The following ZFPM2 variants were observed in gnomAD, a reference collection of about 807,000 sequenced individuals.
The protein encoded by ZFPM2 is zinc finger protein, FOG family member 2, also known as zinc finger protein ZFPM2.
Under a neutral mutation model 98.6 loss-of-function variants are expected in ZFPM2, and 20 were observed. That is an observed-to-expected ratio of 0.20 (90% CI 0.14 to 0.29). The LOEUF is 0.29. ZFPM2 is among the 10% of genes least tolerant of loss of function. The pLI, the probability that ZFPM2 is intolerant of heterozygous loss-of-function variation, is 1.00. For synonymous variants in ZFPM2, 518 were observed against 502.7 expected (o/e 1.03, Z -0.41); for missense variants, 1,310 against 1,388.6 (o/e 0.94, Z 0.90).
chr8:105,401,796 T>A (rs1383107546), intron 1 of ZFPM2, among the ~76,000 whole-genome samples: 2 of 152,286 alleles, frequency 1.3e-5, no homozygotes, highest in African/African-American at 2.4e-5. Flanking sequence ...ATTTTAAAAT[T>A]ATATTTAATT....
chr8:105,553,637 G>T (rs183836529), intron 3 of ZFPM2, among the ~76,000 whole-genome samples: 69 of 152,238 alleles, frequency 4.5e-4, no homozygotes, highest in African/African-American at 1.7e-3. Flanking sequence ...CTGTCACCCA[G>T]TACCTCCTCA....
At chr8:105,641,185 A>G (rs1199115251) in intron 5 of ZFPM2, among the ~76,000 whole-genome samples, 1 of 152,028 alleles carries the variant, frequency 6.6e-6, no homozygotes, top group Non-Finnish European at 1.5e-5. Flanking sequence ...ATTGCGCCCT[A>G]AAGGAGTCCA....
chr8:105,696,849 A>G (rs1811029751), intron 5 of ZFPM2, among the ~76,000 whole-genome samples: 1 of 152,140 alleles, frequency 6.6e-6, no homozygotes. Context: ...TTGTTATTCT[A>G]CTTAGTGATC....
At chr8:105,509,994 G>A (rs1231060652) in intron 3 of ZFPM2, among the ~76,000 whole-genome samples, 3 of 151,450 alleles carry the variant, frequency 2.0e-5, no homozygotes, top group Non-Finnish European at 4.4e-5. Context: ...CTTGTATGTC[G>A]TGGTCATCTA....
intron 4 of ZFPM2, among the ~76,000 whole-genome samples, chr8:105,592,115 T>C (rs1815859337): frequency 6.6e-6 from 1 of 152,078 alleles, no homozygotes; most frequent in Admixed American, 6.6e-5. Flanking sequence ...ACAGGAAACA[T>C]GCAGCAAGAC....
chr8:105,720,395 A>G lies in ZFPM2; in HGVS notation c.533-68323A>G, dbSNP rs530974843. The stretch of plus-strand genomic sequence containing the variant: ...TTCCCTTGCTATCTAAAGTTTAATC[A>G]TAAGTTTAAAGAGTTTTCAGTCATT... On this transcript the variant is annotated intron_variant, in intron 5 of 7. Coordinates refer to ENST00000407775, the MANE Select transcript of ZFPM2 (RefSeq NM_012082.4). Among the ~76,000 whole-genome samples the G allele has an allele frequency of 8.6e-5, 13 of 152,000 alleles. No individual in the cohort carries two copies. In the South Asian group the frequency reaches 2.7e-3, roughly 32 times the overall value.
Position 105,767,726 on chromosome 8 carries a change from C to G in ZFPM2, c.533-20992C>G, listed in dbSNP as rs1243585463. Reference sequence around the variant, plus strand: ...GGAATATAAAAAAAATTTTTGGCTGCCAGATGAGAGACTAAGAGAGGCTAG... The same window carrying G: ...GGAATATAAAAAAAATTTTTGGCTGGCAGATGAGAGACTAAGAGAGGCTAG... On this transcript the variant is annotated intron_variant, in intron 5 of 7. Coordinates refer to ENST00000407775, the MANE Select transcript of ZFPM2 (RefSeq NM_012082.4). 3.3e-5 allele frequency among the ~76,000 whole-genome samples: 5 copies of G among 151,850 alleles called. No individual in the cohort carries two copies. The South Asian group carries it at 1.0e-3, about 32-fold the overall frequency.
chr8:105,695,378 A>ATTTTTTTTT (rs1165726984), intron 5 of ZFPM2, among the ~76,000 whole-genome samples: 5 of 74,842 alleles, frequency 6.7e-5, no homozygotes, highest in Non-Finnish European at 1.0e-4. Context: ...AATGGTTTGT[A>ATTTTTTTTT]TTTTTTTTTT....
Position 105,801,035 on chromosome 8 carries a change from A to T in ZFPM2, c.965-12A>T. ...ATGTTTCTCATTGTTCTTATTTTGT[A>T]TGTCTCTCTAGGAGTGAAAATGGAA... On this transcript the variant is annotated splice_polypyrimidine_tract_variant and intron_variant, in intron 7 of 7. Coordinates refer to ENST00000407775, the MANE Select transcript of ZFPM2 (RefSeq NM_012082.4). 1.3e-6 allele frequency: 2 copies of T among 1,594,742 alleles called. No individual in the cohort carries two copies. Among genetic ancestry groups the T allele is most frequent in the Non-Finnish European group, 1.7e-6 (2 of 1,167,956 alleles).
chr8:105,459,373 A>C (rs1366677747), intron 3 of ZFPM2, among the ~76,000 whole-genome samples: 1 of 152,120 alleles, frequency 6.6e-6, no homozygotes. Context: ...CCTGTCTAGG[A>C]AATCTCTGAA....
At chr8:105,596,405 G>A (rs1199253034) in intron 4 of ZFPM2, among the ~76,000 whole-genome samples, 11 of 152,016 alleles carry the variant, frequency 7.2e-5, no homozygotes, top group Non-Finnish European at 1.2e-4. Context: ...CATTTATAAT[G>A]AAAGTTACAT....
intron 4 of ZFPM2, among the ~76,000 whole-genome samples, chr8:105,566,174 T>A (rs924056779): frequency 2.5e-4 from 38 of 152,164 alleles, no homozygotes; most frequent in African/African-American, 9.2e-4. Context: ...AGAAACGCCC[T>A]GTGAGTTGGC....
At chr8:105,735,591 C>T (rs1320172575) in intron 5 of ZFPM2, among the ~76,000 whole-genome samples, 2 of 151,470 alleles carry the variant, frequency 1.3e-5, no homozygotes, top group African/African-American at 4.9e-5. Context: ...ATTAACAGAC[C>T]ATATTATAGG....
rs1812532714 is a variant in ZFPM2, at chr8:105,453,805, A to G, written c.301+9424A>G. The stretch of plus-strand genomic sequence containing the variant: ...CACCCAGGTAATTTTTTTTATTTTT[A>G]GTAGTGATGGGGTTTCACCATGTCA... On this transcript the variant is annotated intron_variant, in intron 3 of 7. Coordinates refer to ENST00000407775, the MANE Select transcript of ZFPM2 (RefSeq NM_012082.4). 2.0e-5 allele frequency among the ~76,000 whole-genome samples: 3 copies of G among 151,676 alleles called. No homozygotes were observed. In the South Asian group the frequency reaches 6.2e-4, roughly 32 times the overall value.
chr8:105,752,086 TTTTA>T (rs1463813742), intron 5 of ZFPM2, among the ~76,000 whole-genome samples: 1 of 152,114 alleles, frequency 6.6e-6, no homozygotes, highest in Non-Finnish European at 1.5e-5. Flanking sequence ...CCACTGAAGA[TTTTA>T]TTTTTTTCAT....
At chr8:105,623,270 TA>T (rs1816590599) in intron 4 of ZFPM2, among the ~76,000 whole-genome samples, 1 of 152,168 alleles carries the variant, frequency 6.6e-6, no homozygotes, top group Non-Finnish European at 1.5e-5. Context: ...TGATATAGTT[TA>T]ATAATTTCAC....
chr8:105,718,565 A>G (rs1352283597), intron 5 of ZFPM2, among the ~76,000 whole-genome samples: 2 of 152,018 alleles, frequency 1.3e-5, no homozygotes, highest in Non-Finnish European at 2.9e-5. Flanking sequence ...AGTTTAAGAC[A>G]CTAATTGAAT....
At chr8:105,796,808 C>CTGTT (rs1491316325) in intron 6 of ZFPM2, 1 of 152,202 alleles carries the variant, frequency 6.6e-6, no homozygotes, top group African/African-American at 2.4e-5. Context: ...ACATGTGCCA[C>CTGTT]TGTTTGCCTG....
intron 1 of ZFPM2, among the ~76,000 whole-genome samples, chr8:105,359,783 T>A (rs914265338): frequency 4.6e-5 from 7 of 152,238 alleles, no homozygotes; most frequent in Non-Finnish European, 1.0e-4. Flanking sequence ...TCATCCATCA[T>A]TATAAAATGC....
Sources: allele counts gnomAD v4.1 joint callset (sites outside exome capture counted in the v4.1 genomes callset), GRCh38; gene constraint gnomAD v4.1.1; transcripts MANE v1.5; gene names NCBI Gene and HGNC (gene_info 2026-07-23, HGNC 2026-07-21).